The following LRMDA variants were observed in gnomAD, a reference collection of about 807,000 sequenced individuals.
LRMDA encodes leucine rich melanocyte differentiation associated, also known as leucine-rich melanocyte differentiation-associated protein.
Under a neutral mutation model 29.8 loss-of-function variants are expected in LRMDA, and 18 were observed. That is an observed-to-expected ratio of 0.60 (90% CI 0.42 to 0.90). The LOEUF (loss-of-function observed/expected upper bound fraction) is 0.90. LRMDA is among the 40% of genes least tolerant of loss of function. The probability of loss-of-function intolerance (pLI) is 0.00; values close to 1 mark genes in which losing one functional copy is unlikely to be tolerated. For synonymous variants in LRMDA, 125 were observed against 109.4 expected, an observed-to-expected ratio of 1.14 and a Z score of -0.89; for missense variants, 273 against 273.9, an observed-to-expected ratio of 1.00 and a Z score of 0.02.
intron 2 of LRMDA, among the ~76,000 whole-genome samples, chr10:75,440,301 C>A (rs1032934794): frequency 6.7e-6 from 1 of 149,900 alleles, no homozygotes; most frequent in African/African-American, 2.5e-5. Flanking sequence ...TTTGTATTTT[C>A]CTTTGTTGAG....
At chr10:75,896,763 C>G (rs1845588983) in intron 2 of LRMDA, among the ~76,000 whole-genome samples, 1 of 151,984 alleles carries the variant, frequency 6.6e-6, no homozygotes, top group Admixed American at 6.6e-5. Flanking sequence ...TTCTCTCTTA[C>G]TTGGGACCTG....
rs113956630 is a variant in LRMDA, at chr10:76,474,749, A to C, written c.602-82460A>C. 3.3e-3 allele frequency among the ~76,000 whole-genome samples: 508 copies of C among 151,772 alleles called. 6 individuals carry two copies. Among genetic ancestry groups the C allele is most frequent in the African/African-American group, 0.012 (482 of 41,496 alleles). On this transcript the variant is annotated intron_variant, in intron 6 of 6. Coordinates refer to ENST00000611255, the MANE Select transcript of LRMDA (RefSeq NM_001305581.2). ...ACAAGTGTAGGGTGTGGAGAACTGG[A>C]ACCCTCATACATTGCTGTTGAGACT... is the stretch of plus-strand genomic sequence containing the variant.
rs548475880 is a variant in LRMDA at position 76,049,646 on chromosome 10, G to A, written c.398+2343G>A. ...AAGCAGATCCGCTTTGTCCTTCCTC[G>A]AGTTTGTGCTCCATTTGCCACTGAG... On this transcript the variant is annotated intron_variant, in intron 4 of 6. Transcript: ENST00000611255. Among the ~76,000 whole-genome samples, 61 of 152,150 alleles carry A rather than the reference G, an allele frequency of 4.0e-4. 1 individual carries two copies. The highest frequency in any genetic ancestry group is 1.3e-3 in the African/African-American group (56 of 41,486).
rs143710315 is a variant in LRMDA, at chr10:75,545,583, G to C, written c.131+107089G>C. 7.7e-3 allele frequency among the ~76,000 whole-genome samples: 1,174 copies of C among 152,218 alleles called. 10 individuals carry two copies. Among genetic ancestry groups the C allele is most frequent in the Non-Finnish European group, 0.012 (791 of 68,002 alleles). On this transcript the variant is annotated intron_variant, in intron 2 of 6. Transcript: ENST00000611255. Reference sequence around the variant, plus strand: ...AATATATGACAACTATGTAGAAATTGGTTGCCGTCCTAAAGGTGGTGACAT... The same window carrying C: ...AATATATGACAACTATGTAGAAATTCGTTGCCGTCCTAAAGGTGGTGACAT...
At chr10:75,886,038 A>G (rs1845381830) in intron 2 of LRMDA, among the ~76,000 whole-genome samples, 1 of 152,252 alleles carries the variant, frequency 6.6e-6, no homozygotes, top group Non-Finnish European at 1.5e-5. Flanking sequence ...TGGAAAAGAG[A>G]AGAAAGTAGG....
chr10:75,511,857 A>G (rs1476497178), intron 2 of LRMDA, among the ~76,000 whole-genome samples: 2 of 152,170 alleles, frequency 1.3e-5, no homozygotes, highest in Admixed American at 1.3e-4. Flanking sequence ...GCAAAGAAAG[A>G]ACTGGAACTT....
chr10:76,393,063 A>C (rs947656331), intron 6 of LRMDA, among the ~76,000 whole-genome samples: 2 of 152,138 alleles, frequency 1.3e-5, no homozygotes, highest in African/African-American at 4.8e-5. Flanking sequence ...AGTACACCAC[A>C]CTTTCTTAAT....
chr10:75,570,546 C>T (rs1358187853), intron 2 of LRMDA, among the ~76,000 whole-genome samples: 4 of 152,164 alleles, frequency 2.6e-5, no homozygotes, highest in Non-Finnish European at 4.4e-5. Flanking sequence ...TTATTTCATA[C>T]ATCTAAATAG....
At chr10:75,936,944 C>T (rs1014310387) in intron 2 of LRMDA, among the ~76,000 whole-genome samples, 1 of 152,176 alleles carries the variant, frequency 6.6e-6, no homozygotes, top group Admixed American at 6.5e-5. Context: ...ACTGTCTTCT[C>T]ATCTTTATTT....
chr10:76,014,153 T>TCC (rs1384788661), intron 2 of LRMDA, among the ~76,000 whole-genome samples: 2 of 141,854 alleles, frequency 1.4e-5, no homozygotes, highest in East Asian at 4.1e-4. Flanking sequence ...TAATTATATA[T>TCC]ATATATAATT....
intron 6 of LRMDA, among the ~76,000 whole-genome samples, chr10:76,408,854 A>G (rs762119288): frequency 1.3e-5 from 2 of 151,634 alleles, no homozygotes; most frequent in African/African-American, 4.8e-5. Flanking sequence ...TGGTTTGCAT[A>G]CTCCCCTCAT....
At chr10:75,873,507 C>T (rs1412259169) in intron 2 of LRMDA, among the ~76,000 whole-genome samples, 1 of 152,134 alleles carries the variant, frequency 6.6e-6, no homozygotes, top group Non-Finnish European at 1.5e-5. Flanking sequence ...AAAATTCCAA[C>T]TGGCTTTGTT....
At chr10:75,957,050 T>C (rs1846675519) in intron 2 of LRMDA, among the ~76,000 whole-genome samples, 1 of 152,212 alleles carries the variant, frequency 6.6e-6, no homozygotes, top group Non-Finnish European at 1.5e-5. Context: ...ATGGTCACAG[T>C]GTTTATAATA....
At chr10:75,980,918 C>A (rs760027596) in intron 2 of LRMDA, among the ~76,000 whole-genome samples, 2 of 152,144 alleles carry the variant, frequency 1.3e-5, no homozygotes, top group Non-Finnish European at 2.9e-5. Flanking sequence ...CCTTTGGTAA[C>A]GTGTGTGCGT....
At chr10:76,487,802 TAAGTGA>T (rs1842797077) in intron 6 of LRMDA, among the ~76,000 whole-genome samples, 1 of 151,940 alleles carries the variant, frequency 6.6e-6, no homozygotes, top group Non-Finnish European at 1.5e-5. Context: ...ACACAGCTAC[TAAGTGA>T]AAGAGCTGAG....
intron 5 of LRMDA, among the ~76,000 whole-genome samples, chr10:76,141,504 G>A (rs894943210): frequency 3.3e-5 from 5 of 152,100 alleles, no homozygotes; most frequent in African/African-American, 1.2e-4. Context: ...ATTTAGATAT[G>A]TATGTCAAGT....
chr10:75,703,758 CT>C (rs1842335555), intron 2 of LRMDA, among the ~76,000 whole-genome samples: 1 of 152,112 alleles, frequency 6.6e-6, no homozygotes, highest in African/African-American at 2.4e-5. Context: ...ATTTTATTTC[CT>C]TTGTAACACT....
At chr10:75,868,428 A>G (rs1419618494) in intron 2 of LRMDA, among the ~76,000 whole-genome samples, 1 of 152,222 alleles carries the variant, frequency 6.6e-6, no homozygotes, top group Non-Finnish European at 1.5e-5. Context: ...CTATAGCCCA[A>G]GTAGTCAAGA....
At chr10:75,785,166 A>G (rs202154536) in intron 2 of LRMDA, among the ~76,000 whole-genome samples, 1 of 152,322 alleles carries the variant, frequency 6.6e-6, no homozygotes, top group East Asian at 1.9e-4. Context: ...GTTTTCCTCA[A>G]CTTGCTTTTA....
Sources: allele counts gnomAD v4.1 joint callset (sites outside exome capture counted in the v4.1 genomes callset), GRCh38; gene constraint gnomAD v4.1.1; transcripts MANE v1.5; gene names NCBI Gene and HGNC (gene_info 2026-07-23, HGNC 2026-07-21).